Variants in TANC1 observed in about 807,000 individuals in gnomAD.
The protein encoded by TANC1 is tetratricopeptide repeat, ankyrin repeat and coiled-coil containing 1.
TANC1 carries 77 observed loss-of-function variants against 149.7 expected under a neutral mutation model. The observed-to-expected ratio is 0.51, with a 90% confidence interval of 0.43 to 0.62. The LOEUF is 0.62. Among genes scored for constraint, TANC1 ranks in the 20% least tolerant of loss-of-function variants. TANC1 has a pLI of 0.00. For missense variants in TANC1, 1,985 were observed against 2,321.8 expected, an observed-to-expected ratio of 0.85 and a Z score of 2.98; for synonymous variants, 854 against 925.0, an observed-to-expected ratio of 0.92 and a Z score of 1.39.
intron 7 of TANC1, among the ~76,000 whole-genome samples, chr2:159,151,037 T>TG (rs2150322853): frequency 6.6e-6 from 1 of 152,190 alleles, no homozygotes; most frequent in East Asian, 1.9e-4. Context: ...TTTCTAAGGA[T>TG]GACCTCCCTG....
At chr2:159,133,608 C>A (rs1308600225) in intron 4 of TANC1, among the ~76,000 whole-genome samples, 1 of 151,892 alleles carries the variant, frequency 6.6e-6, no homozygotes, top group African/African-American at 2.4e-5. Flanking sequence ...CACCCCCAAA[C>A]CCCCACAAGT....
At chr2:159,064,715 A>G (rs1393042942) in intron 2 of TANC1, among the ~76,000 whole-genome samples, 1 of 152,228 alleles carries the variant, frequency 6.6e-6, no homozygotes, top group African/African-American at 2.4e-5. Flanking sequence ...GTGTGATTCT[A>G]TGAATGGCAA....
At chr2:159,225,574 G>A (rs1028805397) in intron 23 of TANC1, 114 bp from the exon 24 acceptor site, 6 of 774,286 alleles carry the variant, frequency 7.7e-6, no homozygotes, top group Admixed American at 2.0e-5. Flanking sequence ...TCGTGCTGTG[G>A]TCCTTGCAGC....
At chr2:159,213,283 C>T (rs1575295905) in intron 19 of TANC1, among the ~76,000 whole-genome samples, 1 of 152,012 alleles carries the variant, frequency 6.6e-6, no homozygotes, top group Non-Finnish European at 1.5e-5. Context: ...GAATCATTAA[C>T]GTTATCATCG....
intron 3 of TANC1, among the ~76,000 whole-genome samples, chr2:159,088,868 T>A (rs1459882848): frequency 1.3e-5 from 2 of 152,208 alleles, no homozygotes; most frequent in Non-Finnish European, 2.9e-5. Context: ...ATTCTATTGA[T>A]GGTACCAAGC....
intron 16 of TANC1, among the ~76,000 whole-genome samples, chr2:159,187,991 G>T (rs1415038299): frequency 6.6e-6 from 1 of 152,118 alleles, no homozygotes. Flanking sequence ...AATGAGCATG[G>T]CCCTCCTGAG....
chr2:159,096,755 GACCGGGATGAGTCAGGACAGAGCAGGTA>G (rs1310369645), intron 3 of TANC1, among the ~76,000 whole-genome samples: 25 of 152,220 alleles, frequency 1.6e-4, no homozygotes, highest in Non-Finnish European at 2.8e-4. Context: ...CAGAGCAGGT[GACCGGGATGAGTCAGGACAGAGCAGGTA>G]ACCAGGGAAC....
intron 4 of TANC1, among the ~76,000 whole-genome samples, chr2:159,098,638 T>TA (rs998200972): frequency 6.6e-6 from 1 of 152,012 alleles, no homozygotes; most frequent in African/African-American, 2.4e-5. Flanking sequence ...CTCAGACTTG[T>TA]AAAGGGGGGT....
rs139107107 is a variant in TANC1, at chr2:158,995,557, C to T, written c.-125-5523C>T. Among the ~76,000 whole-genome samples, 769 of 152,214 alleles carry T rather than the reference C, an allele frequency of 5.1e-3. 4 individuals are homozygous for T. The highest frequency in any genetic ancestry group is 8.9e-3 in the Non-Finnish European group (602 of 68,006). On this transcript the variant is annotated intron_variant, in intron 1 of 26. Coordinates refer to ENST00000263635, the MANE Select transcript of TANC1 (RefSeq NM_033394.3). Reference sequence around the variant, plus strand: ...CTCTTGGAAACTTCAAACTGAGGCTCCCCATGGCTGTCATTGCTTAAGATC... The same window carrying T: ...CTCTTGGAAACTTCAAACTGAGGCTTCCCATGGCTGTCATTGCTTAAGATC...
intron 4 of TANC1, among the ~76,000 whole-genome samples, chr2:159,129,113 A>G (rs956601228): frequency 3.9e-5 from 6 of 152,188 alleles, no homozygotes; most frequent in African/African-American, 1.4e-4. Flanking sequence ...CAGCCTCCAG[A>G]TATCATGAAA....
At chr2:159,032,998 A>G (rs2039902314) in intron 2 of TANC1, among the ~76,000 whole-genome samples, 1 of 152,144 alleles carries the variant, frequency 6.6e-6, no homozygotes, top group South Asian at 2.1e-4. Flanking sequence ...GAAAATGAGA[A>G]GAAGCTCAAC....
chr2:159,148,719 C>G (rs898206130), intron 5 of TANC1: 1 of 153,140 alleles, frequency 6.5e-6, no homozygotes, highest in Admixed American at 6.5e-5. Flanking sequence ...TACTCCAACA[C>G]CTAAATAGCC....
chr2:159,209,156 G>T (rs924479262), intron 19 of TANC1, among the ~76,000 whole-genome samples: 3 of 152,224 alleles, frequency 2.0e-5, no homozygotes, highest in Non-Finnish European at 4.4e-5. Flanking sequence ...AGAAGCTTCA[G>T]TTGAGGCTGG....
At chr2:159,160,606 C>G (rs963429830) in intron 7 of TANC1, among the ~76,000 whole-genome samples, 3 of 152,130 alleles carry the variant, frequency 2.0e-5, no homozygotes, top group Non-Finnish European at 4.4e-5. Flanking sequence ...CCTCAGGGCT[C>G]GGATGGAGCT....
rs375216646 is a variant in TANC1, at chr2:159,172,023, C to G, written c.1352-98C>G. 1.6e-5 allele frequency: 20 copies of G among 1,251,266 alleles called. 1 individual carries two copies. Among genetic ancestry groups the G allele is most frequent in the African/African-American group, 1.0e-4 (7 of 67,254 alleles). The allele number at this position is 1,251,266 out of a possible 1,614,324, so 77.5% of individuals were successfully genotyped here. The stretch of plus-strand genomic sequence containing the variant: ...AATTTTGGACCATGTTCACTCCTTG[C>G]TTATTAAAATATGCCCTGGCACAAA... On this transcript the variant is annotated intron_variant, in intron 10 of 26. Coordinates refer to ENST00000263635, the MANE Select transcript of TANC1 (RefSeq NM_033394.3).
chr2:159,224,144 G>T, intron 22 of TANC1, 88 bp from the exon 23 acceptor site: 3 of 1,485,758 alleles, frequency 2.0e-6, no homozygotes, highest in Non-Finnish European at 2.8e-6. Context: ...TAAAATCAGA[G>T]TGAAGCTAAG....
intron 1 of TANC1, among the ~76,000 whole-genome samples, chr2:158,971,285 G>A (rs886794149): frequency 1.3e-5 from 2 of 152,144 alleles, no homozygotes; most frequent in South Asian, 2.1e-4. Flanking sequence ...CAGCATAGCT[G>A]GAGGTTAACT....
In TANC1 at chr2:159,142,895, C is replaced by G. The variant is rs2051537917; in HGVS notation, c.365-6247C>G. ...CCTGGCCAACATGGTGAAACCTTGT[C>G]TCTACTAAAAATACAAAACTAACTG... On this transcript the variant is annotated intron_variant, in intron 5 of 26. Coordinates refer to ENST00000263635, the MANE Select transcript of TANC1 (RefSeq NM_033394.3). 2.0e-5 allele frequency among the ~76,000 whole-genome samples: 3 copies of G among 151,836 alleles called. No individual in the cohort carries two copies. In the South Asian group the frequency reaches 6.2e-4, roughly 32 times the overall value.
chr2:159,149,004 G>C (rs7583577), intron 5 of TANC1, 138 bp from the exon 6 acceptor site: 942,443 of 949,134 alleles, frequency 0.99, 467,989 homozygotes, highest in East Asian at 1. Flanking sequence ...AGAGGACAGG[G>C]TGCGTTGTCC....
Sources: allele counts gnomAD v4.1 joint callset (sites outside exome capture counted in the v4.1 genomes callset), GRCh38; gene constraint gnomAD v4.1.1; transcripts MANE v1.5; gene names NCBI Gene and HGNC (gene_info 2026-07-23, HGNC 2026-07-21).